The following SETD2 variants were observed in gnomAD, a reference collection of about 807,000 sequenced individuals.
SETD2 encodes the protein histone-lysine N-methyltransferase SETD2.
A neutral mutation model predicts 242.1 loss-of-function variants in SETD2; 31 were observed. The ratio of observed to expected loss-of-function variants is 0.13; its 90% confidence interval spans 0.10 to 0.17. The LOEUF is 0.17. SETD2 is among the 10% of genes least tolerant of loss of function. The probability of loss-of-function intolerance (pLI) is 1.00; values close to 1 mark genes in which losing one functional copy is unlikely to be tolerated. For synonymous variants in SETD2, 1,006 were observed against 1,066.5 expected (o/e 0.94, Z 1.11); for missense variants, 2,481 against 3,046.3 (o/e 0.81, Z 4.37).
At chr3:47,078,042 T>C (rs537696837) in intron 12 of SETD2, among the ~76,000 whole-genome samples, 1 of 152,320 alleles carries the variant, frequency 6.6e-6, no homozygotes, top group Non-Finnish European at 1.5e-5. Flanking sequence ...GTAAAAGGAA[T>C]AATGAATTAG....
chr3:47,052,700 C>T (rs1043671221), intron 15 of SETD2, among the ~76,000 whole-genome samples: 1 of 151,926 alleles, frequency 6.6e-6, no homozygotes, highest in Non-Finnish European at 1.5e-5. Flanking sequence ...CACCTGTAAT[C>T]CCAGCTACTA....
In SETD2 at chr3:47,083,709, T is replaced by C. The variant is rs773327261; in HGVS notation, c.6060+11A>G. The stretch of plus-strand genomic sequence containing the variant: ...AATTCAAGTTGAAATGAACAAAAGA[T>C]GCTTCCTTACCTTTAGGTCTTTCCA... On this transcript the variant is annotated intron_variant, in intron 12 of 20. Coordinates refer to ENST00000409792, the MANE Select transcript of SETD2 (RefSeq NM_014159.7). 1 of 1,582,832 alleles carries C rather than the reference T, an allele frequency of 6.3e-7. No homozygotes were observed. Among genetic ancestry groups the C allele is most frequent in the Non-Finnish European group, 8.6e-7 (1 of 1,166,074 alleles).
intron 7 of SETD2, among the ~76,000 whole-genome samples, chr3:47,102,687 G>A (rs2042261656): frequency 6.6e-6 from 1 of 151,638 alleles, no homozygotes; most frequent in Non-Finnish European, 1.5e-5. Context: ...CCAGCTACTT[G>A]GGAGGCTGAG....
chr3:47,106,890 G>C (rs1276950788), intron 5 of SETD2, among the ~76,000 whole-genome samples: 1 of 151,600 alleles, frequency 6.6e-6, no homozygotes, highest in African/African-American at 2.4e-5. Flanking sequence ...TACTCTCAAA[G>C]GTCTCTAAAA....
intron 17 of SETD2, among the ~76,000 whole-genome samples, chr3:47,038,227 T>C (rs142360527): frequency 6.6e-6 from 1 of 152,330 alleles, no homozygotes; most frequent in African/African-American, 2.4e-5. Context: ...CTTGACCACG[T>C]GAGAAAATTA....
intron 5 of SETD2, among the ~76,000 whole-genome samples, chr3:47,110,730 G>T (rs928388818): frequency 5.3e-5 from 8 of 152,056 alleles, no homozygotes; most frequent in Admixed American, 2.0e-4. Context: ...ATCATCATGT[G>T]GCAGTTATAG....
At chr3:47,046,059 C>T (rs1252625734) in intron 16 of SETD2, among the ~76,000 whole-genome samples, 6 of 151,734 alleles carry the variant, frequency 4.0e-5, no homozygotes, top group South Asian at 4.2e-4. Flanking sequence ...ACGGGCCGGG[C>T]GTGGTGGCTC....
In SETD2 at chr3:47,084,167, G is replaced by A. The variant is rs2041443313; in HGVS notation, c.5613C>T (p.Asp1871=). The part of the protein sequence containing the change: ...STKLSTEADT[D]TPKKLMFRRL... ...TGCGAAACATTAGTTTCTTGGGAGT[G>A]TCTGTGTCAGCTTCTGTGCTCAGCT... is the stretch of plus-strand genomic sequence containing the variant. Residue 1871 remains aspartate (D), a synonymous_variant, in exon 12 of 21, where the codon GAC becomes GAT. Transcript: ENST00000409792. 1 of 1,614,030 alleles carries A rather than the reference G, an allele frequency of 6.2e-7. No homozygotes were observed. Among genetic ancestry groups the A allele is most frequent in the Non-Finnish European group, 8.5e-7 (1 of 1,180,028 alleles).
intron 9 of SETD2, 40 bp from the exon 10 acceptor site, chr3:47,088,287 A>G: frequency 6.4e-7 from 1 of 1,556,614 alleles, no homozygotes; most frequent in Non-Finnish European, 8.6e-7. Flanking sequence ...TAAAACAACA[A>G]CAACAAAAAA....
intron 13 of SETD2, among the ~76,000 whole-genome samples, chr3:47,065,769 T>C (rs538244318): frequency 4.6e-5 from 7 of 152,328 alleles, no homozygotes; most frequent in Admixed American, 4.6e-4. Flanking sequence ...GGTGTCACTG[T>C]GCTCAGCCTG....
chr3:47,149,282 T>C (rs573185938), intron 1 of SETD2, among the ~76,000 whole-genome samples: 8 of 152,174 alleles, frequency 5.3e-5, no homozygotes, highest in Non-Finnish European at 8.8e-5. Flanking sequence ...GAGCACAACC[T>C]GTATGTCTTT....
At chr3:47,118,989 T>A (rs1163126362) in intron 3 of SETD2, among the ~76,000 whole-genome samples, 1 of 152,184 alleles carries the variant, frequency 6.6e-6, no homozygotes, top group Non-Finnish European at 1.5e-5. Flanking sequence ...GGTTATTTTG[T>A]AATAGAAAAA....
At chr3:47,049,826 TAA>T (rs1418789001) in intron 15 of SETD2, among the ~76,000 whole-genome samples, 1 of 146,576 alleles carries the variant, frequency 6.8e-6, no homozygotes, top group Non-Finnish European at 1.5e-5. Context: ...ATTATATATA[TAA>T]ACTTATTCTG....
chr3:47,040,185 G>A (rs550859427), intron 17 of SETD2, among the ~76,000 whole-genome samples: 2 of 152,106 alleles, frequency 1.3e-5, no homozygotes, highest in South Asian at 4.2e-4. Flanking sequence ...CATCATGTTG[G>A]CCAGGCTGGT....
chr3:47,073,841 T>G (rs2040934357), intron 12 of SETD2, among the ~76,000 whole-genome samples: 2 of 152,364 alleles, frequency 1.3e-5, no homozygotes, highest in South Asian at 4.1e-4. Flanking sequence ...GTACTTGTGC[T>G]GGCCAGGGGT....
intron 15 of SETD2, 69 bp from the exon 16 acceptor site, chr3:47,046,690 G>C (rs1175807999): frequency 7.0e-7 from 1 of 1,422,134 alleles, no homozygotes; most frequent in African/African-American, 1.4e-5. Flanking sequence ...TGACTTCCAA[G>C]TTGGCACAAT....
At position 47,075,030 on chromosome 3, in the gene SETD2, A is replaced by G. The variant is rs550144006; in HGVS notation, c.6061-7912T>C. Among the ~76,000 whole-genome samples, 25 of 151,332 alleles carry G rather than the reference A, an allele frequency of 1.7e-4. No homozygotes were observed. The South Asian group carries it at 4.4e-3, about 27-fold the overall frequency. On this transcript the variant is annotated intron_variant, in intron 12 of 20. Transcript: ENST00000409792. ...GTGCCTGTAGTTCCAGCTACTCCGG[A>G]GGCTGTGGCAGGAGAATGGCGTGAA...
chr3:47,039,480 T>C (rs948683829), intron 17 of SETD2, among the ~76,000 whole-genome samples: 1 of 152,070 alleles, frequency 6.6e-6, no homozygotes, highest in African/African-American at 2.4e-5. Flanking sequence ...CCCAAAGTGC[T>C]GGGACTACAG....
rs866838302 is a variant in SETD2 at position 47,061,296 on chromosome 3, G to A, written c.6293+867C>T. On this transcript the variant is annotated intron_variant, in intron 14 of 20. Coordinates refer to ENST00000409792, the MANE Select transcript of SETD2 (RefSeq NM_014159.7). ...TAGTAACCAAAACAACATGGTACTGGCATAAAAACAGACACATAGACCAAC... is the reference window on the plus strand; with the variant it reads ...TAGTAACCAAAACAACATGGTACTGACATAAAAACAGACACATAGACCAAC... Among the ~76,000 whole-genome samples the A allele has an allele frequency of 3.3e-5, 5 of 152,206 alleles. 1 individual carries two copies. The Middle Eastern group carries it at 0.01, about 311-fold the overall frequency.
Sources: gnomAD v4.1 joint callset for allele counts (sites outside exome capture counted in the v4.1 genomes callset) on GRCh38, gnomAD v4.1.1 for gene constraint, MANE v1.5 for transcripts, NCBI Gene and HGNC (gene_info 2026-07-23, HGNC 2026-07-21) for gene names.